The following OSR1 variants were observed in gnomAD, a reference collection of about 807,000 sequenced individuals.
OSR1 encodes the protein protein odd-skipped-related 1.
OSR1 carries 3 observed loss-of-function variants against 15.7 expected under a neutral mutation model. That is an observed-to-expected ratio of 0.19 (90% CI 0.09 to 0.50). The LOEUF (loss-of-function observed/expected upper bound fraction) is 0.50, where lower values mean the gene tolerates loss of function less well. Ranked by LOEUF, OSR1 falls within the 20% of genes least tolerant of loss-of-function variation. The pLI is 0.97. For synonymous variants in OSR1, 166 were observed against 152.7 expected, an observed-to-expected ratio of 1.09 and a Z score of -0.64; for missense variants, 271 against 351.1, an observed-to-expected ratio of 0.77 and a Z score of 1.82.
chr2:19,352,072 T>G lies in OSR1; in HGVS notation c.*203A>C. ...TTTGGCCAAGAGTTTAGCCGCGTCC[T>G]AGGGGAGCAGCAGGGACGGTCGGGG... On this transcript the variant is annotated 3_prime_UTR_variant, in exon 3 of 3. Transcript: ENST00000272223. 2.0e-6 allele frequency: 1 copy of G among 495,350 alleles called. No individual in the cohort carries two copies. Among genetic ancestry groups the G allele is most frequent in the Non-Finnish European group, 3.5e-6 (1 of 284,002 alleles). The allele number at this position is 495,350 out of a possible 1,614,324, so 30.7% of individuals were successfully genotyped here.
At chr2:19,349,639 C>T (rs1267877020), downstream of OSR1, among the ~76,000 whole-genome samples, 1 of 152,182 alleles carries the variant, frequency 6.6e-6, no homozygotes, top group Non-Finnish European at 1.5e-5. Context: ...GCATTTGTAG[C>T]TTCCTGAGGC....
At chr2:19,345,817 T>A in the OSR1 span, among the ~76,000 whole-genome samples, 2 of 152,246 alleles carry the variant, frequency 1.3e-5, no homozygotes, top group African/African-American at 4.8e-5. Flanking sequence ...AAAGCAATTC[T>A]GAGCTCCGAC....
At chr2:19,352,998 T>G (rs1181311578) in intron 2 of OSR1, 143 bp downstream of exon 2, 4 of 1,079,970 alleles carry the variant, frequency 3.7e-6, no homozygotes, top group Non-Finnish European at 5.2e-6. Flanking sequence ...CTGGATCTCC[T>G]AGGCTTTCCT....
downstream of OSR1, among the ~76,000 whole-genome samples, chr2:19,347,759 G>C (rs151201451): frequency 6.6e-6 from 1 of 152,186 alleles, no homozygotes; most frequent in Non-Finnish European, 1.5e-5. Context: ...GACCCGCCGC[G>C]CCACCCTCGC....
chr2:19,348,893 A>G (rs1325909041), downstream of OSR1, among the ~76,000 whole-genome samples: 1 of 151,742 alleles, frequency 6.6e-6, no homozygotes, highest in Non-Finnish European at 1.5e-5. Flanking sequence ...GTCCTAGGCC[A>G]GATAGCTTCC....
At chr2:19,350,754 A>G (rs1186277967), downstream of OSR1, among the ~76,000 whole-genome samples, 1 of 151,926 alleles carries the variant, frequency 6.6e-6, no homozygotes, top group East Asian at 2.0e-4. Context: ...AGCTTATGGA[A>G]GGCGGACTCG....
chr2:19,353,656 C>G lies in OSR1; in HGVS notation c.150G>C (p.Val50=), dbSNP rs777431965. 1.2e-6 allele frequency: 2 copies of G among 1,614,248 alleles called. No homozygotes were observed. The highest frequency in any genetic ancestry group is 1.7e-6 in the Non-Finnish European group (2 of 1,180,042). Residue 50 remains valine, a synonymous_variant, in exon 2 of 3, where the codon GTG becomes GTC. Transcript: ENST00000272223. ...NLYGFSALHA[V]HLHQWTLGYP... is the part of the protein sequence containing the mutation. ...AGCCCAGCGTCCACTGATGCAGGTGCACAGCGTGCAACGCGCTGAAACCAT... is the reference window on the plus strand; with the variant it reads ...AGCCCAGCGTCCACTGATGCAGGTGGACAGCGTGCAACGCGCTGAAACCAT...
chr2:19,353,770 G>A lies in OSR1; in HGVS notation c.36C>T (p.Ile12=), dbSNP rs965166465. Reference sequence around the variant, plus strand: ...AGTTGGTGAGCTGCAGGGAAGGGTGGATAGGCACCGGCGCCGGCAAGGTTT... The same window carrying A: ...AGTTGGTGAGCTGCAGGGAAGGGTGAATAGGCACCGGCGCCGGCAAGGTTT... The part of the protein sequence containing the change: ...GSKTLPAPVP[I]HPSLQLTNYS... The change falls in exon 2 of 3, where the codon ATC becomes ATT. Residue 12 remains isoleucine (I), a synonymous_variant. Transcript: ENST00000272223. The A allele has an allele frequency of 1.2e-6, 2 of 1,612,988 alleles. No individual in the cohort carries two copies.
chr2:19,353,948 A>G (rs898190547), intron 1 of OSR1, 111 bp from the exon 2 acceptor site: 3 of 882,320 alleles, frequency 3.4e-6, no homozygotes, highest in Admixed American at 5.7e-5. Context: ...CACCCAGCGC[A>G]GGAGCTAAGA....
downstream of OSR1, among the ~76,000 whole-genome samples, chr2:19,350,770 TTCC>T (rs772271636): frequency 9.9e-5 from 15 of 152,142 alleles, no homozygotes; most frequent in Non-Finnish European, 2.1e-4. Flanking sequence ...ACTCGAATTT[TTCC>T]TCCTAAGCGT....
At chr2:19,350,727 C>T (rs539765039), downstream of OSR1, among the ~76,000 whole-genome samples, 2 of 152,048 alleles carry the variant, frequency 1.3e-5, no homozygotes, top group African/African-American at 4.8e-5. Flanking sequence ...GAAAACTAGA[C>T]ACCCCAGGGA....
chr2:19,349,351 G>A (rs1447035091), downstream of OSR1, among the ~76,000 whole-genome samples: 1 of 152,200 alleles, frequency 6.6e-6, no homozygotes, highest in Non-Finnish European at 1.5e-5. Flanking sequence ...ACAAGCTGCA[G>A]GGAGACGTGA....
At chr2:19,354,068 A>C in intron 1 of OSR1, 11 of 458,192 alleles carry the variant, frequency 2.4e-5, no homozygotes, top group East Asian at 3.5e-5. Context: ...CTCCCTCCAA[A>C]TGGCGTCTGG....
chr2:19,345,610 A>G, the OSR1 span, among the ~76,000 whole-genome samples: 1 of 152,338 alleles, frequency 6.6e-6, no homozygotes, highest in African/African-American at 2.4e-5. Context: ...ATGGATACAT[A>G]GATCCCTCTG....
the OSR1 span, among the ~76,000 whole-genome samples, chr2:19,346,196 A>G: frequency 6.6e-6 from 1 of 152,230 alleles, no homozygotes; most frequent in South Asian, 2.1e-4. Flanking sequence ...ATCCCCAGAG[A>G]CAGCTGTGCT....
chr2:19,355,550 G>A (rs1664931296), intron 1 of OSR1: 1 of 152,502 alleles, frequency 6.6e-6, no homozygotes, highest in Non-Finnish European at 1.5e-5. Context: ...AAGCTGGCAC[G>A]GGGGCCACTG....
At chr2:19,353,086 A>G in intron 2 of OSR1, 55 bp downstream of exon 2, 1 of 1,582,456 alleles carries the variant, frequency 6.3e-7, no homozygotes, top group South Asian at 1.1e-5. Context: ...TTAGGGAGAA[A>G]GATGGTGAGG....
At chr2:19,349,965 C>G (rs1664805275), downstream of OSR1, among the ~76,000 whole-genome samples, 1 of 152,202 alleles carries the variant, frequency 6.6e-6, no homozygotes, top group Non-Finnish European at 1.5e-5. Context: ...TGGGCGCAGA[C>G]CGTCTACACC....
At chr2:19,347,062 G>C (rs1664744920), downstream of OSR1, among the ~76,000 whole-genome samples, 1 of 152,140 alleles carries the variant, frequency 6.6e-6, no homozygotes, top group Admixed American at 6.5e-5. Flanking sequence ...TTTTGCCGGG[G>C]GTTTCAAGAA....
Sources: gnomAD v4.1 joint callset for allele counts (sites outside exome capture counted in the v4.1 genomes callset) on GRCh38, gnomAD v4.1.1 for gene constraint, MANE v1.5 for transcripts, NCBI Gene and HGNC (gene_info 2026-07-23, HGNC 2026-07-21) for gene names.